PKD2: variants seen among roughly 807,000 people sequenced by gnomAD.
PKD2 encodes polycystin-2.
Under a neutral mutation model 105.9 loss-of-function variants are expected in PKD2, and 48 were observed. The observed-to-expected ratio is 0.45, with a 90% confidence interval of 0.36 to 0.58. PKD2 has a LOEUF of 0.58. Among genes scored for constraint, PKD2 ranks in the 20% least tolerant of loss-of-function variants. The probability of loss-of-function intolerance (pLI) is 0.00; values close to 1 mark genes in which losing one functional copy is unlikely to be tolerated. For missense variants in PKD2, 1,078 were observed against 1,255.3 expected (o/e 0.86, Z 2.13); for synonymous variants, 464 against 481.1 (o/e 0.96, Z 0.46).
chr4:88,039,659 C>T (rs1200500313), intron 4 of PKD2, among the ~76,000 whole-genome samples: 3 of 122,062 alleles, frequency 2.5e-5, no homozygotes, highest in South Asian at 2.5e-4. Flanking sequence ...AGCAAGACTC[C>T]CCCTCAAAAA....
chr4:88,044,621 G>A (rs1284198395), intron 5 of PKD2, among the ~76,000 whole-genome samples: 6 of 152,148 alleles, frequency 3.9e-5, no homozygotes, highest in African/African-American at 1.4e-4. Context: ...CTTGGGGATG[G>A]GACCCAAGTC....
intron 2 of PKD2, among the ~76,000 whole-genome samples, chr4:88,031,904 G>T (rs1727169415): frequency 6.6e-6 from 1 of 152,102 alleles, no homozygotes; most frequent in Non-Finnish European, 1.5e-5. Flanking sequence ...TTATCAAACT[G>T]AGTATTCACC....
intron 1 of PKD2, among the ~76,000 whole-genome samples, chr4:88,013,559 A>C (rs188860940): frequency 6.6e-6 from 1 of 152,158 alleles, no homozygotes. Flanking sequence ...AAAATTAGCC[A>C]GGCAGGGTGG....
chr4:88,033,204 A>C (rs1366852442), intron 2 of PKD2, among the ~76,000 whole-genome samples: 1 of 152,112 alleles, frequency 6.6e-6, no homozygotes, highest in African/African-American at 2.4e-5. Context: ...AGCAGGGAGG[A>C]TCACTTGAGC....
Position 88,064,900 on chromosome 4 carries a change from G to T in PKD2, c.2119-474G>T, listed in dbSNP as rs576017424. On this transcript the variant is annotated intron_variant, in intron 10 of 14. Transcript: ENST00000237596. ...GAGTAAGATCCTGTCTCAAAAAAAG[G>T]GAAAATCCTCATCTACATTTCACTG... 5.1e-4 allele frequency among the ~76,000 whole-genome samples: 78 copies of T among 152,028 alleles called. 1 individual carries two copies. In the Middle Eastern group the frequency reaches 0.017, roughly 33 times the overall value.
intron 3 of PKD2, among the ~76,000 whole-genome samples, chr4:88,037,359 T>A (rs2110106013): frequency 6.6e-6 from 1 of 152,278 alleles, no homozygotes; most frequent in East Asian, 1.9e-4. Context: ...AGTATACCAA[T>A]GAGTGATACC....
In PKD2 at chr4:88,076,801, T is replaced by G. The variant is rs1255111875; in HGVS notation, c.*1107T>G. 1.3e-5 allele frequency: 2 copies of G among 152,160 alleles called. No individual in the cohort carries two copies. The highest frequency in any genetic ancestry group is 2.9e-5 in the Non-Finnish European group (2 of 68,032). 9.4% of individuals were successfully genotyped at this position (152,160 alleles called of 1,614,324 possible). ...AGGAGTTCAAGACCAACATGGGCAATGTGGCGAAACTCCATCTCTACAAAA... is the reference window on the plus strand; with the variant it reads ...AGGAGTTCAAGACCAACATGGGCAAGGTGGCGAAACTCCATCTCTACAAAA... On this transcript the variant is annotated 3_prime_UTR_variant, in exon 15 of 15. Coordinates refer to ENST00000237596, the MANE Select transcript of PKD2 (RefSeq NM_000297.4).
rs556777891 is a variant in PKD2 at position 88,067,930 on chromosome 4, A to C, written c.2391A>C (p.Pro797=). 1.7e-4 allele frequency: 268 copies of C among 1,613,976 alleles called. No homozygotes were observed. The highest frequency in any genetic ancestry group is 2.0e-4 in the Non-Finnish European group (237 of 1,179,982). ...TGGATTTGGATCACAGTTCTTTACC[A>C]CGTCCCATGAGCAGCCGAAGTTTCC... ...EDLDLDHSSL[P]RPMSSRSFPR... is the part of the protein sequence containing the mutation. The change falls in exon 13 of 15, where the codon CCA becomes CCC. Residue 797 remains proline (P), a synonymous_variant. Coordinates refer to ENST00000237596, the MANE Select transcript of PKD2 (RefSeq NM_000297.4).
At chr4:88,058,366 C>A (rs1417411362) in intron 9 of PKD2, among the ~76,000 whole-genome samples, 1 of 152,094 alleles carries the variant, frequency 6.6e-6, no homozygotes, top group Non-Finnish European at 1.5e-5. Context: ...CATGGTCTTT[C>A]ATTTCTCTCT....
rs553735708 is a variant in PKD2, at chr4:88,053,473, A to G, written c.1716+1315A>G. On this transcript the variant is annotated intron_variant, in intron 7 of 14. Coordinates refer to ENST00000237596, the MANE Select transcript of PKD2 (RefSeq NM_000297.4). Reference sequence around the variant, plus strand: ...GGAGTCTGATACCAGCCTGGGCAACATGGCAAAACCTCATCTCTACTAAAA... The same window carrying G: ...GGAGTCTGATACCAGCCTGGGCAACGTGGCAAAACCTCATCTCTACTAAAA... 2.0e-4 allele frequency among the ~76,000 whole-genome samples: 31 copies of G among 152,246 alleles called. No homozygotes were observed. In the East Asian group the frequency reaches 6.0e-3, roughly 29 times the overall value.
chr4:88,070,591 TATATATATATAGAGAG>T (rs1252728214), intron 13 of PKD2, among the ~76,000 whole-genome samples: 23 of 104,170 alleles, frequency 2.2e-4, no homozygotes, highest in Non-Finnish European at 3.7e-4. Context: ...TATATATATA[TATATATATATAGAGAG>T]AGAGAGAGAG....
chr4:88,013,083 G>T (rs750753251), intron 1 of PKD2, among the ~76,000 whole-genome samples: 3 of 151,944 alleles, frequency 2.0e-5, no homozygotes, highest in Non-Finnish European at 4.4e-5. Flanking sequence ...GTGACTTTCC[G>T]TTTATTTTTA....
chr4:88,025,140 A>G (rs1374769908), intron 2 of PKD2, among the ~76,000 whole-genome samples: 1 of 151,946 alleles, frequency 6.6e-6, no homozygotes, highest in Non-Finnish European at 1.5e-5. Flanking sequence ...ACTCTGTCTC[A>G]GAAAAAGAAA....
chr4:88,062,503 C>G lies in PKD2; in HGVS notation c.2118+499C>G, dbSNP rs186733728. On this transcript the variant is annotated intron_variant, in intron 10 of 14. Transcript: ENST00000237596. ...AAAGGAAAAGATTCATGAATTCAGGCCATAGCCTGGGGCCTGAGAACTTTT... is the reference window on the plus strand; with the variant it reads ...AAAGGAAAAGATTCATGAATTCAGGGCATAGCCTGGGGCCTGAGAACTTTT... Among the ~76,000 whole-genome samples the G allele has an allele frequency of 4.6e-3, 694 of 152,304 alleles. 7 individuals are homozygous for G. The highest frequency in any genetic ancestry group is 8.0e-3 in the Non-Finnish European group (544 of 68,038).
chr4:88,073,593 C>T (rs1721120466), intron 13 of PKD2, among the ~76,000 whole-genome samples: 1 of 151,688 alleles, frequency 6.6e-6, no homozygotes, highest in Admixed American at 6.6e-5. Flanking sequence ...CTGGGAGATA[C>T]TGTAGCCCTA....
At chr4:88,068,115 A>C in intron 13 of PKD2, 54 bp downstream of exon 13, 1 of 1,365,886 alleles carries the variant, frequency 7.3e-7, no homozygotes, top group Non-Finnish European at 1.0e-6. Flanking sequence ...ACATGAGACC[A>C]GGCAGTTCCC....
intron 2 of PKD2, chr4:88,035,936 T>C (rs1727315565): frequency 2.3e-6 from 1 of 440,078 alleles, no homozygotes; most frequent in Non-Finnish European, 4.2e-6. Context: ...TTGGTAGTCC[T>C]AAATATCAAG....
chr4:88,020,447 T>C (rs536223398), intron 2 of PKD2, among the ~76,000 whole-genome samples: 1 of 152,230 alleles, frequency 6.6e-6, no homozygotes, highest in South Asian at 2.1e-4. Flanking sequence ...CTTCTTTCAG[T>C]TCGTCTTCCC....
intron 1 of PKD2, among the ~76,000 whole-genome samples, chr4:88,018,031 C>G (rs1337626921): frequency 6.6e-6 from 1 of 152,194 alleles, no homozygotes; most frequent in Admixed American, 6.5e-5. Flanking sequence ...TCCATGTCAT[C>G]TAAATTTGTA....
Sources: allele counts gnomAD v4.1 joint callset (sites outside exome capture counted in the v4.1 genomes callset), GRCh38; gene constraint gnomAD v4.1.1; transcripts MANE v1.5; gene names NCBI Gene and HGNC (gene_info 2026-07-23, HGNC 2026-07-21).